The following HGS variants were observed in gnomAD, a reference collection of about 807,000 sequenced individuals.
HGS encodes human growth factor-regulated tyrosine kinase substrate.
A neutral mutation model predicts 109.7 loss-of-function variants in HGS; 63 were observed. That is an observed-to-expected ratio of 0.57 (90% CI 0.47 to 0.71). The LOEUF is 0.71. HGS is among the 30% of genes least tolerant of loss of function. The probability of loss-of-function intolerance (pLI) is 0.00; values close to 1 mark genes in which losing one functional copy is unlikely to be tolerated. For synonymous variants in HGS, 546 were observed against 437.3 expected (o/e 1.25, Z -3.10); for missense variants, 995 against 1,068.3 (o/e 0.93, Z 0.96).
intron 18 of HGS, 83 bp from the exon 19 acceptor site, chr17:81,700,384 A>T: frequency 7.2e-7 from 1 of 1,388,210 alleles, no homozygotes; most frequent in African/African-American, 1.5e-5. Flanking sequence ...AAAAAAAAAA[A>T]AGTAAAACTC....
chr17:81,684,867 C>A, intron 1 of HGS: 1 of 978,484 alleles, frequency 1.0e-6, no homozygotes, highest in Non-Finnish European at 1.2e-6. Context: ...AACCAGCAAG[C>A]AGACTGAGTA....
At chr17:81,689,720 G>A (rs1017367737) in intron 5 of HGS, among the ~76,000 whole-genome samples, 2 of 152,202 alleles carry the variant, frequency 1.3e-5, no homozygotes, top group African/African-American at 2.4e-5. Flanking sequence ...GGCGCTGCAC[G>A]AGCTGCCTTG....
Position 81,693,564 on chromosome 17 carries a change from C to T in HGS, c.724C>T (p.Leu242=). The T allele has an allele frequency of 1.9e-6, 3 of 1,611,854 alleles. No homozygotes were observed. The highest frequency in any genetic ancestry group is 1.3e-5 in the African/African-American group (1 of 74,978). The change falls in exon 9 of 22, where the codon CTG becomes TTG. Residue 242 remains leucine, a synonymous_variant. Coordinates refer to ENST00000329138, the MANE Select transcript of HGS (RefSeq NM_004712.5). ...ELPPEYLTSP[L]SQQSQLPPKR... ...GCCCCCCGAGTACCTGACCAGCCCC[C>T]TGTCTCAGCAGTCCCAGGTACTCAG...
intron 18 of HGS, among the ~76,000 whole-genome samples, chr17:81,699,266 T>C (rs917758957): frequency 3.3e-5 from 5 of 152,240 alleles, no homozygotes; most frequent in Admixed American, 6.5e-5. Context: ...GTAGTTCTTG[T>C]CATTTGTAGC....
At chr17:81,685,064 T>A (rs1456083675) in intron 1 of HGS, 2 of 985,386 alleles carry the variant, frequency 2.0e-6, no homozygotes, top group Non-Finnish European at 2.4e-6. Flanking sequence ...TGTGGTATGA[T>A]GACAGGTATG....
chr17:81,684,253 C>T lies in HGS; in HGVS notation c.37+150C>T, dbSNP rs2036933071. 5.9e-6 allele frequency: 4 copies of T among 683,344 alleles called. No individual in the cohort carries two copies. In the East Asian group the frequency reaches 1.4e-4, roughly 25 times the overall value. The allele number at this position is 683,344 out of a possible 1,614,324, so 42.3% of individuals were successfully genotyped here. A position where few individuals can be genotyped will look rare whatever the true frequency, so the allele number is the denominator to read the frequency against. ...CGCTGTCCTCCCGGGTTCGGAGCCGCCGATCCTGGACCCTCGGCGCGGCCG... is the reference window on the plus strand; with the variant it reads ...CGCTGTCCTCCCGGGTTCGGAGCCGTCGATCCTGGACCCTCGGCGCGGCCG... On this transcript the variant is annotated intron_variant, in intron 1 of 21. Transcript: ENST00000329138.
intron 6 of HGS, 72 bp from the exon 7 acceptor site, chr17:81,690,602 G>T: frequency 1.4e-6 from 2 of 1,456,060 alleles, no homozygotes; most frequent in Non-Finnish European, 1.9e-6. Context: ...CTTCTGTGGG[G>T]CAGGGGAGGC....
Position 81,701,067 on chromosome 17 carries a change from G to GCCAGGATGCGTCTCTGCCACC in HGS, c.2164_2184dup (p.Asp722_Gln728dup). The GCCAGGATGCGTCTCTGCCACC allele has an allele frequency of 6.2e-7, 1 of 1,614,070 alleles. No homozygotes were observed. Among genetic ancestry groups the GCCAGGATGCGTCTCTGCCACC allele is most frequent in the Non-Finnish European group, 8.5e-7 (1 of 1,180,016 alleles). On this transcript the variant is annotated inframe_insertion, in exon 21 of 22. Transcript: ENST00000329138. The stretch of plus-strand genomic sequence containing the variant: ...CAGAATCTCATGACCACCCTCCCAA[G>GCCAGGATGCGTCTCTGCCACC]CCAGGATGCGTCTCTGCCACCCCAG...
intron 15 of HGS, 132 bp downstream of exon 15, chr17:81,696,131 A>T (rs2037142454): frequency 5.4e-6 from 5 of 932,876 alleles, no homozygotes; most frequent in East Asian, 2.7e-5. Context: ...TCCTCCAGAG[A>T]GTGTCAACAG....
intron 5 of HGS, 101 bp from the exon 6 acceptor site, chr17:81,690,081 C>G: frequency 7.7e-7 from 1 of 1,293,888 alleles, no homozygotes. Flanking sequence ...CTTGGGTGCA[C>G]GGTCACTGCT....
intron 18 of HGS, chr17:81,697,628 C>T (rs1447327517): frequency 1.3e-5 from 2 of 152,052 alleles, no homozygotes; most frequent in Non-Finnish European, 2.9e-5. Flanking sequence ...ACAGATGTCT[C>T]TTGGGGGAGG....
chr17:81,693,570 C>G lies in HGS; in HGVS notation c.730C>G (p.Gln244Glu), dbSNP rs2037098030. The change falls in exon 9 of 22, where the codon CAG (glutamine) becomes GAG (glutamate). Residue 244 changes from glutamine (Q) to glutamate (E), a missense_variant. Coordinates refer to ENST00000329138, the MANE Select transcript of HGS (RefSeq NM_004712.5). The stretch of plus-strand genomic sequence containing the variant: ...CGAGTACCTGACCAGCCCCCTGTCT[C>G]AGCAGTCCCAGGTACTCAGCCCCCT... The part of the protein sequence containing the change: ...PPEYLTSPLS[Q>E]QSQLPPKRDE... 8 of 1,610,334 alleles carry G rather than the reference C, an allele frequency of 5.0e-6. No homozygotes were observed. The highest frequency in any genetic ancestry group is 2.2e-5 in the South Asian group (2 of 90,854).
chr17:81,693,548 G>T lies in HGS; in HGVS notation c.708G>T (p.Glu236Asp), dbSNP rs2037096954. 1.9e-6 allele frequency: 3 copies of T among 1,612,960 alleles called. No homozygotes were observed. The highest frequency in any genetic ancestry group is 1.3e-5 in the African/African-American group (1 of 74,860). ...KATSTTELPP[E>D]YLTSPLSQQS... Reference sequence around the variant, plus strand: ...CTTCCACCACTGAGCTGCCCCCCGAGTACCTGACCAGCCCCCTGTCTCAGC... The same window carrying T: ...CTTCCACCACTGAGCTGCCCCCCGATTACCTGACCAGCCCCCTGTCTCAGC... The change falls in exon 9 of 22, where the codon GAG becomes GAT. Residue 236 changes from glutamate (E) to aspartate (D), a missense_variant. This residue lies in a region of HGS where 300 missense variants were observed against 235.4 expected (regional missense o/e 1.27). Transcript: ENST00000329138.
At chr17:81,685,772 C>A in intron 2 of HGS, 83 bp downstream of exon 2, 1 of 1,001,750 alleles carries the variant, frequency 1.0e-6, no homozygotes, top group Non-Finnish European at 1.5e-6. Context: ...TGGGTCTCCA[C>A]GACGTAGCTG....
chr17:81,692,585 C>T (rs2037081149), intron 8 of HGS: 1 of 152,290 alleles, frequency 6.6e-6, no homozygotes, highest in Admixed American at 6.5e-5. Context: ...GGCTCCATGG[C>T]AGGGCATCCC....
intron 5 of HGS, 105 bp from the exon 6 acceptor site, chr17:81,690,077 T>C (rs12952375): frequency 0.066 from 81,700 of 1,244,930 alleles, 3,706 homozygotes; most frequent in East Asian, 0.26. Flanking sequence ...TTCACTTGGG[T>C]GCACGGTCAC....
At chr17:81,696,185 G>A in intron 15 of HGS, 172 bp from the exon 16 acceptor site, 1 of 963,354 alleles carries the variant, frequency 1.0e-6, no homozygotes, top group Non-Finnish European at 1.5e-6. Flanking sequence ...GCCCTGCCCT[G>A]CCCTGCCCTG....
At chr17:81,693,810 C>T (rs751003627) in intron 10 of HGS, 58 bp downstream of exon 10, 11 of 1,549,120 alleles carry the variant, frequency 7.1e-6, no homozygotes, top group South Asian at 2.4e-5. Flanking sequence ...GGATGTGCTG[C>T]GGTGGGGCCG....
Position 81,700,805 on chromosome 17 carries a change from C to T in HGS, c.2127C>T (p.Tyr709=), listed in dbSNP as rs763585258. ...CAGTCTCCATGGGCTACCAGCCTTA[C>T]AACATGCAGGTACAGTGACCTCCAG... The part of the protein sequence containing the change: ...SQSVSMGYQP[Y]NMQNLMTTLP... The change falls in exon 20 of 22, where the codon TAC becomes TAT. Residue 709 remains tyrosine, a synonymous_variant. Transcript: ENST00000329138. 2.5e-6 allele frequency: 4 copies of T among 1,611,866 alleles called. No homozygotes were observed. The highest frequency in any genetic ancestry group is 1.7e-4 in the Middle Eastern group (1 of 5,888).
Sources: gnomAD v4.1 joint callset for allele counts (sites outside exome capture counted in the v4.1 genomes callset) on GRCh38, gnomAD v4.1.1 for gene constraint, gnomAD v4.1.1 regional missense constraint, MANE v1.5 for transcripts, NCBI Gene and HGNC (gene_info 2026-07-23, HGNC 2026-07-21) for gene names.